Variants in C12orf54 observed in about 807,000 individuals in gnomAD.
C12orf54 encodes uncharacterized protein C12orf54.
In C12orf54, 24 loss-of-function variants were observed where a neutral mutation model predicts 26.4. The observed-to-expected ratio is 0.91, with a 90% CI of 0.66 to 1.28. The LOEUF (loss-of-function observed/expected upper bound fraction) is 1.28, where lower values mean the gene tolerates loss of function less well. Among genes scored for constraint, C12orf54 ranks in the 50% most tolerant of loss-of-function variants. The pLI is 0.00. For synonymous variants in C12orf54, 54 were observed against 47.0 expected, an observed-to-expected ratio of 1.15 and a Z score of -0.61; for missense variants, 154 against 150.9, an observed-to-expected ratio of 1.02 and a Z score of -0.11.
At chr12:48,461,456 A>C in the C12orf54 span, among the ~76,000 whole-genome samples, 1 of 151,888 alleles carries the variant, frequency 6.6e-6, no homozygotes, top group Non-Finnish European at 1.5e-5. Context: ...GTATACATGG[A>C]ATATTTTCTG....
chr12:48,446,381 G>A, the C12orf54 span, among the ~76,000 whole-genome samples: 2 of 152,138 alleles, frequency 1.3e-5, no homozygotes, highest in African/African-American at 4.8e-5. Flanking sequence ...ATTCTTAACA[G>A]CAACTTCTTT....
the C12orf54 span, among the ~76,000 whole-genome samples, chr12:48,453,562 C>CAT: frequency 6.6e-5 from 1 of 15,258 alleles, no homozygotes; most frequent in Non-Finnish European, 1.5e-4. Context: ...CATATATATA[C>CAT]ATATATATAC....
chr12:48,489,120 GCGGC>G, intron 5 of C12orf54, 164 bp downstream of exon 5: 1 of 796,474 alleles, frequency 1.3e-6, no homozygotes, highest in Non-Finnish European at 2.2e-6. Context: ...GTCAGTCCAG[GCGGC>G]TAAGGCAAGA....
At chr12:48,455,394 G>A in the C12orf54 span, among the ~76,000 whole-genome samples, 12 of 152,116 alleles carry the variant, frequency 7.9e-5, no homozygotes, top group Admixed American at 2.6e-4. Context: ...TGTGAAAAGC[G>A]CTGTGATGAA....
At chr12:48,488,639 T>C (rs1343674771) in intron 4 of C12orf54, 1 of 447,782 alleles carries the variant, frequency 2.2e-6, no homozygotes, top group Non-Finnish European at 4.0e-6. Flanking sequence ...AAAATAAATA[T>C]AATAGTAGGT....
chr12:48,436,794 G>A, the C12orf54 span, among the ~76,000 whole-genome samples: 1 of 152,142 alleles, frequency 6.6e-6, no homozygotes, highest in Non-Finnish European at 1.5e-5. Flanking sequence ...ATGCCCACAA[G>A]AGAAAGCAGG....
chr12:48,439,172 G>A, the C12orf54 span, among the ~76,000 whole-genome samples: 19 of 152,220 alleles, frequency 1.2e-4, no homozygotes, highest in Admixed American at 1.3e-4. Context: ...GGCCATCAGA[G>A]AAATGCAAAT....
At chr12:48,433,714 T>C in the C12orf54 span, among the ~76,000 whole-genome samples, 4 of 152,162 alleles carry the variant, frequency 2.6e-5, no homozygotes, top group African/African-American at 4.8e-5. Flanking sequence ...CCCAAAGTAC[T>C]GGAATTACAG....
chr12:48,443,154 T>TTC, the C12orf54 span, among the ~76,000 whole-genome samples: 5 of 152,080 alleles, frequency 3.3e-5, no homozygotes, highest in Non-Finnish European at 7.4e-5. Context: ...CAACCTTAGA[T>TTC]TCTCTCTCTC....
chr12:48,454,960 C>A, the C12orf54 span, among the ~76,000 whole-genome samples: 1 of 152,258 alleles, frequency 6.6e-6, no homozygotes, highest in South Asian at 2.1e-4. Flanking sequence ...GTTTGTTTTT[C>A]CTTCCAACTT....
chr12:48,439,381 A>C, the C12orf54 span, among the ~76,000 whole-genome samples: 1 of 152,206 alleles, frequency 6.6e-6, no homozygotes, highest in Non-Finnish European at 1.5e-5. Flanking sequence ...CATTTGACCC[A>C]GTCATCTCAT....
upstream of C12orf54, among the ~76,000 whole-genome samples, chr12:48,480,045 G>A (rs900530246): frequency 3.3e-5 from 5 of 151,350 alleles, no homozygotes; most frequent in African/African-American, 9.7e-5. Flanking sequence ...GGATACTTTC[G>A]GTCTTAAAGC....
the C12orf54 span, chr12:48,472,601 T>C: frequency 6.3e-7 from 1 of 1,590,926 alleles, no homozygotes; most frequent in East Asian, 2.2e-5. Flanking sequence ...TGTGCGGTTG[T>C]GGGTTCGGGG....
chr12:48,453,864 A>G, the C12orf54 span, among the ~76,000 whole-genome samples: 3 of 151,872 alleles, frequency 2.0e-5, no homozygotes, highest in East Asian at 3.9e-4. Flanking sequence ...CAGCTCATTT[A>G]TTCTGACCTT....
At chr12:48,423,176 T>C in the C12orf54 span, among the ~76,000 whole-genome samples, 4 of 151,986 alleles carry the variant, frequency 2.6e-5, no homozygotes, top group Non-Finnish European at 4.4e-5. Context: ...GAAGAGAACA[T>C]GTAGACAACG....
At chr12:48,443,653 G>A in the C12orf54 span, among the ~76,000 whole-genome samples, 4 of 152,164 alleles carry the variant, frequency 2.6e-5, no homozygotes, top group Non-Finnish European at 5.9e-5. Flanking sequence ...ATCTATATGT[G>A]ATCTATTCAG....
chr12:48,465,979 T>G, the C12orf54 span, among the ~76,000 whole-genome samples: 10 of 152,278 alleles, frequency 6.6e-5, no homozygotes, highest in Non-Finnish European at 1.5e-4. Context: ...AATTCTGAAA[T>G]TATGAAACTT....
the C12orf54 span, among the ~76,000 whole-genome samples, chr12:48,420,863 T>A: frequency 2.0e-5 from 3 of 152,194 alleles, no homozygotes; most frequent in Non-Finnish European, 4.4e-5. Flanking sequence ...TTGATATGTC[T>A]GGTGCCACAT....
At chr12:48,422,976 A>T in the C12orf54 span, among the ~76,000 whole-genome samples, 2 of 152,176 alleles carry the variant, frequency 1.3e-5, no homozygotes. Context: ...ATATAAAATA[A>T]TAAAGCCAGA....
Sources: gnomAD v4.1 joint callset for allele counts (sites outside exome capture counted in the v4.1 genomes callset) on GRCh38, gnomAD v4.1.1 for gene constraint, MANE v1.5 for transcripts, NCBI Gene and HGNC (gene_info 2026-07-23, HGNC 2026-07-21) for gene names.